The following ZNF385D variants were observed in gnomAD, a reference collection of about 807,000 sequenced individuals.
ZNF385D encodes the protein zinc finger protein 659.
In ZNF385D, 15 loss-of-function variants were observed where a neutral mutation model predicts 35.8. The observed-to-expected ratio is 0.42, with a 90% CI of 0.28 to 0.64. The LOEUF is 0.64. ZNF385D is among the 30% of genes least tolerant of loss of function. The pLI is 0.23. For synonymous variants in ZNF385D, 212 were observed against 186.8 expected (o/e 1.13, Z -1.10); for missense variants, 474 against 494.6 (o/e 0.96, Z 0.39).
chr3:21,924,899 G>A (rs921015007), intron 3 of ZNF385D, among the ~76,000 whole-genome samples: 1 of 152,076 alleles, frequency 6.6e-6, no homozygotes, highest in Non-Finnish European at 1.5e-5. Context: ...AGAAAGTGGT[G>A]CCCTCCTTCT....
chr3:21,432,966 T>C (rs1283897452), intron 5 of ZNF385D, among the ~76,000 whole-genome samples: 2 of 124,150 alleles, frequency 1.6e-5, no homozygotes, highest in South Asian at 5.6e-4. Flanking sequence ...GCTGTGGTCA[T>C]GCTAATAATC....
At chr3:22,071,837 T>C (rs1700241730) in intron 3 of ZNF385D, among the ~76,000 whole-genome samples, 1 of 152,082 alleles carries the variant, frequency 6.6e-6, no homozygotes, top group South Asian at 2.1e-4. Context: ...AATCATACTC[T>C]TTTTGCTCTG....
intron 4 of ZNF385D, among the ~76,000 whole-genome samples, chr3:21,466,119 TCA>T (rs1164409728): frequency 6.6e-6 from 1 of 152,172 alleles, no homozygotes; most frequent in African/African-American, 2.4e-5. Context: ...AATAATGTCT[TCA>T]CATCTTCCAT....
intron 3 of ZNF385D, among the ~76,000 whole-genome samples, chr3:22,145,712 A>G (rs966415510): frequency 6.6e-6 from 1 of 152,200 alleles, no homozygotes. Flanking sequence ...CAGTACATTG[A>G]TAAGAATAAA....
chr3:21,777,285 G>A (rs78528684), intron 3 of ZNF385D, among the ~76,000 whole-genome samples: 12,033 of 151,894 alleles, frequency 0.079, 656 homozygotes, highest in South Asian at 0.15. Context: ...ACATCAGCCT[G>A]AATTTACCTT....
At chr3:22,363,650 T>A (rs1030768000) in intron 2 of ZNF385D, among the ~76,000 whole-genome samples, 1 of 152,142 alleles carries the variant, frequency 6.6e-6, no homozygotes, top group Non-Finnish European at 1.5e-5. Flanking sequence ...TTGGGTCTAA[T>A]GGCTGTTTAA....
At chr3:21,694,056 T>C (rs1480122460) in intron 1 of ZNF385D, among the ~76,000 whole-genome samples, 1 of 110,352 alleles carries the variant, frequency 9.1e-6, no homozygotes, top group Non-Finnish European at 1.9e-5. Flanking sequence ...TTTTTTTTTT[T>C]TTTTTGAGAC....
At chr3:21,916,739 T>C (rs1218168269) in intron 3 of ZNF385D, among the ~76,000 whole-genome samples, 2 of 152,244 alleles carry the variant, frequency 1.3e-5, no homozygotes, top group African/African-American at 4.8e-5. Context: ...CCATTCCTTA[T>C]TGTTTGATAT....
chr3:22,064,980 C>T (rs1463581), intron 3 of ZNF385D, among the ~76,000 whole-genome samples: 4,009 of 152,224 alleles, frequency 0.026, 81 homozygotes, highest in East Asian at 0.099. Flanking sequence ...TATATTATGA[C>T]GGTATAATGT....
At chr3:22,140,658 T>G (rs1325919511) in intron 3 of ZNF385D, among the ~76,000 whole-genome samples, 3 of 152,182 alleles carry the variant, frequency 2.0e-5, no homozygotes, top group African/African-American at 4.8e-5. Flanking sequence ...GAAAGCTGAG[T>G]GAAGGGTACA....
At chr3:21,869,907 T>A (rs533506905) in intron 3 of ZNF385D, among the ~76,000 whole-genome samples, 1 of 152,212 alleles carries the variant, frequency 6.6e-6, no homozygotes, top group East Asian at 1.9e-4. Flanking sequence ...AATAGGGCAT[T>A]CTTTTAACTT....
intron 2 of ZNF385D, among the ~76,000 whole-genome samples, chr3:22,335,298 A>G (rs1179545405): frequency 3.3e-5 from 5 of 152,142 alleles, no homozygotes; most frequent in Non-Finnish European, 7.4e-5. Context: ...TCATTCTGTA[A>G]TGTCTGAACA....
intron 3 of ZNF385D, among the ~76,000 whole-genome samples, chr3:21,835,355 T>C (rs894973202): frequency 3.9e-5 from 6 of 152,032 alleles, no homozygotes; most frequent in African/African-American, 1.4e-4. Flanking sequence ...CCTTCCATTG[T>C]AAAATTTGCT....
At chr3:21,521,304 CTT>C (rs1248165514) in intron 3 of ZNF385D, among the ~76,000 whole-genome samples, 1 of 152,186 alleles carries the variant, frequency 6.6e-6, no homozygotes, top group East Asian at 1.9e-4. Context: ...AACCTGAACT[CTT>C]TTGGTGGAGT....
At chr3:21,873,757 T>A (rs1055103090) in intron 3 of ZNF385D, among the ~76,000 whole-genome samples, 2 of 152,152 alleles carry the variant, frequency 1.3e-5, no homozygotes, top group African/African-American at 4.8e-5. Flanking sequence ...GACTGGTTTA[T>A]TTCACTTAGC....
chr3:21,608,012 C>CTTCTTTTTTTTTTTTTT (rs2064536095), intron 2 of ZNF385D, among the ~76,000 whole-genome samples: 10 of 123,950 alleles, frequency 8.1e-5, no homozygotes, highest in African/African-American at 2.8e-4. Flanking sequence ...TCTTTTTCTT[C>CTTCTTTTTTTTTTTTTT]TTTTTTTTTT....
chr3:22,321,657 A>T (rs1278727595), intron 2 of ZNF385D, among the ~76,000 whole-genome samples: 3 of 152,002 alleles, frequency 2.0e-5, no homozygotes, highest in Non-Finnish European at 2.9e-5. Context: ...GAGCCACCGC[A>T]CCCGGCTCAG....
At chr3:21,848,209 G>A (rs931386925) in intron 3 of ZNF385D, among the ~76,000 whole-genome samples, 31 of 151,786 alleles carry the variant, frequency 2.0e-4, no homozygotes, top group African/African-American at 5.3e-4. Context: ...ATAATATTTC[G>A]ATCTATGTGT....
intron 3 of ZNF385D, among the ~76,000 whole-genome samples, chr3:22,116,358 T>C (rs1257068464): frequency 6.6e-6 from 1 of 152,038 alleles, no homozygotes; most frequent in African/African-American, 2.4e-5. Context: ...ACTCCTTTTT[T>C]CCATTAAATT....
Sources: gnomAD v4.1 joint callset for allele counts (sites outside exome capture counted in the v4.1 genomes callset) on GRCh38, gnomAD v4.1.1 for gene constraint, MANE v1.5 for transcripts, NCBI Gene and HGNC (gene_info 2026-07-23, HGNC 2026-07-21) for gene names.